LAMA2: variants seen among roughly 807,000 people sequenced by gnomAD.
LAMA2 encodes the protein laminin subunit alpha-2.
In LAMA2, 269 loss-of-function variants were observed where a neutral mutation model predicts 364.8. The observed-to-expected ratio is 0.74, with a 90% CI of 0.67 to 0.82. The LOEUF is 0.82. Ranked by LOEUF, LAMA2 falls within the 40% of genes least tolerant of loss-of-function variation. LAMA2 has a pLI of 0.00. For missense variants in LAMA2, 3,807 were observed against 3,873.2 expected (o/e 0.98, Z 0.45); for synonymous variants, 1,379 against 1,370.6 (o/e 1.01, Z -0.14).
intron 40 of LAMA2, among the ~76,000 whole-genome samples, chr6:129,408,079 AG>A (rs1219731653): frequency 6.6e-6 from 1 of 152,166 alleles, no homozygotes; most frequent in Admixed American, 6.5e-5. Flanking sequence ...TAAGATGTCT[AG>A]GCCAGCAGAA....
chr6:129,251,109 A>G (rs1786206765), intron 13 of LAMA2, among the ~76,000 whole-genome samples: 2 of 121,156 alleles, frequency 1.7e-5, no homozygotes, highest in South Asian at 2.7e-4. Flanking sequence ...TATATATGGC[A>G]ACTAGATGTA....
At chr6:128,960,193 CTAACT>C (rs1781392055) in intron 1 of LAMA2, among the ~76,000 whole-genome samples, 1 of 151,898 alleles carries the variant, frequency 6.6e-6, no homozygotes, top group African/African-American at 2.4e-5. Context: ...ATTCATACAC[CTAACT>C]TAAGGATTTT....
intron 1 of LAMA2, among the ~76,000 whole-genome samples, chr6:128,976,385 A>G (rs939715924): frequency 1.3e-5 from 2 of 152,134 alleles, no homozygotes; most frequent in Admixed American, 1.3e-4. Context: ...TCAGGGGAGA[A>G]CTCTAGCTGG....
At chr6:129,016,754 A>G (rs1226706213) in intron 1 of LAMA2, among the ~76,000 whole-genome samples, 1 of 151,886 alleles carries the variant, frequency 6.6e-6, no homozygotes, top group Non-Finnish European at 1.5e-5. Context: ...ATAGGTTTTT[A>G]TATGTAGGTT....
intron 1 of LAMA2, among the ~76,000 whole-genome samples, chr6:128,910,535 C>A (rs1382438824): frequency 6.6e-6 from 1 of 151,934 alleles, no homozygotes; most frequent in Admixed American, 6.6e-5. Flanking sequence ...GTTATACATT[C>A]TTCTAAATTT....
At chr6:129,184,905 C>T (rs924235063) in intron 10 of LAMA2, among the ~76,000 whole-genome samples, 2 of 151,924 alleles carry the variant, frequency 1.3e-5, no homozygotes, top group African/African-American at 4.8e-5. Flanking sequence ...TTCTCCCTCC[C>T]TAACCCATCA....
intron 1 of LAMA2, among the ~76,000 whole-genome samples, chr6:128,970,897 CTT>C (rs1342113057): frequency 2.0e-5 from 3 of 152,170 alleles, no homozygotes; most frequent in African/African-American, 7.2e-5. Flanking sequence ...TACTAGTCCT[CTT>C]TGACATTTCT....
rs1375710164 is a variant in LAMA2, at chr6:129,393,087, A to G, written c.5277A>G (p.Gly1759=). Residue 1759 remains glycine, a synonymous_variant, in exon 37 of 65, where the codon GGA becomes GGG. Transcript: ENST00000421865. ...ALLKKVKKLF[G]ESRGENEEME... Reference sequence around the variant, plus strand: ...TGAAAAAAGTGAAGAAGCTGTTTGGAGAGTCCCGGGGGGAAAATGAAGAAA... The same window carrying G: ...TGAAAAAAGTGAAGAAGCTGTTTGGGGAGTCCCGGGGGGAAAATGAAGAAA... The G allele has an allele frequency of 6.2e-7, 1 of 1,614,002 alleles. No individual in the cohort carries two copies. Among genetic ancestry groups the G allele is most frequent in the Non-Finnish European group, 8.5e-7 (1 of 1,179,938 alleles).
chr6:129,417,652 C>T (rs1049334064), intron 40 of LAMA2, among the ~76,000 whole-genome samples: 55 of 152,176 alleles, frequency 3.6e-4, no homozygotes, highest in African/African-American at 1.3e-3. Context: ...CCATCCACGG[C>T]GCCCACTGGC....
At chr6:128,972,373 T>G (rs1364008753) in intron 1 of LAMA2, among the ~76,000 whole-genome samples, 1 of 152,216 alleles carries the variant, frequency 6.6e-6, no homozygotes, top group Non-Finnish European at 1.5e-5. Context: ...TTAACCACAC[T>G]GAGCCTCAAA....
At chr6:129,033,662 G>T (rs1442619425) in intron 1 of LAMA2, among the ~76,000 whole-genome samples, 1 of 151,764 alleles carries the variant, frequency 6.6e-6, no homozygotes, top group Non-Finnish European at 1.5e-5. Context: ...TCCTCTCCTT[G>T]CTTTATATTT....
chr6:129,225,427 G>T (rs1016954874), intron 12 of LAMA2, among the ~76,000 whole-genome samples: 12 of 152,084 alleles, frequency 7.9e-5, no homozygotes, highest in Non-Finnish European at 1.6e-4. Flanking sequence ...TGTGATGTTA[G>T]GGTGTCAATT....
At chr6:129,233,734 T>C (rs1271527643) in intron 12 of LAMA2, among the ~76,000 whole-genome samples, 1 of 152,160 alleles carries the variant, frequency 6.6e-6, no homozygotes, top group Non-Finnish European at 1.5e-5. Context: ...GTCAACTGTA[T>C]ATGAAGGCTT....
intron 1 of LAMA2, among the ~76,000 whole-genome samples, chr6:129,008,254 T>G (rs1784553706): frequency 6.6e-6 from 1 of 152,138 alleles, no homozygotes; most frequent in Admixed American, 6.6e-5. Flanking sequence ...AGCATTGCTC[T>G]CCATCTCTTT....
At chr6:129,460,960 A>G (rs948947862) in intron 49 of LAMA2, among the ~76,000 whole-genome samples, 3 of 151,984 alleles carry the variant, frequency 2.0e-5, no homozygotes, top group Admixed American at 6.6e-5. Flanking sequence ...TAGAATGAAT[A>G]GGAATTTGAA....
In LAMA2 at chr6:129,048,536, CCTTCCTTT is replaced by C. The variant is rs1243600365; in HGVS notation, c.113-1378_113-1371del. ...TCCTTCCTTCCTTCCTTCCTTCCTT[CCTTCCTTT>C]CTTTCTTTCTCTCTCTCTCTCTCTT... On this transcript the variant is annotated intron_variant, in intron 1 of 64. Coordinates refer to ENST00000421865, the MANE Select transcript of LAMA2 (RefSeq NM_000426.4). Among the ~76,000 whole-genome samples, 6 of 77,022 alleles carry C rather than the reference CCTTCCTTT, an allele frequency of 7.8e-5. 1 individual carries two copies. The highest frequency in any genetic ancestry group is 5.4e-4 in the South Asian group (1 of 1,850). 50.5% of individuals were successfully genotyped at this position (77,022 alleles called of 152,430 possible).
chr6:129,515,365 C>T (rs948831401), intron 64 of LAMA2, among the ~76,000 whole-genome samples: 5 of 152,228 alleles, frequency 3.3e-5, no homozygotes, highest in African/African-American at 9.6e-5. Flanking sequence ...GGCCCAACGA[C>T]AGCTCCTCTT....
chr6:129,338,007 A>G (rs540400078), intron 29 of LAMA2, among the ~76,000 whole-genome samples: 2 of 152,300 alleles, frequency 1.3e-5, no homozygotes, highest in East Asian at 3.9e-4. Context: ...CATTTGATTC[A>G]ATTAACCAAG....
intron 23 of LAMA2, among the ~76,000 whole-genome samples, chr6:129,314,223 AC>A (rs1380843188): frequency 1.3e-5 from 2 of 151,952 alleles, no homozygotes; most frequent in African/African-American, 4.8e-5. Context: ...ACACGGTGAA[AC>A]CCCGTCTCTA....
Sources: gnomAD v4.1 joint callset for allele counts (sites outside exome capture counted in the v4.1 genomes callset) on GRCh38, gnomAD v4.1.1 for gene constraint, MANE v1.5 for transcripts, NCBI Gene and HGNC (gene_info 2026-07-23, HGNC 2026-07-21) for gene names.